Variants in BICRA observed in about 807,000 individuals in gnomAD.
BICRA encodes BRD4 interacting chromatin remodeling complex associated protein.
In BICRA, 31 loss-of-function variants were observed where a neutral mutation model predicts 96.9. The ratio of observed to expected loss-of-function variants is 0.32; its 90% CI spans 0.24 to 0.43. The LOEUF (loss-of-function observed/expected upper bound fraction) is 0.43. Among genes scored for constraint, BICRA ranks in the 20% least tolerant of loss-of-function variants. BICRA has a pLI of 1.00. For missense variants in BICRA, 2,283 were observed against 2,190.3 expected (o/e 1.04, Z -0.84); for synonymous variants, 1,350 against 1,071.8 (o/e 1.26, Z -5.07).
chr19:47,638,737 C>T (rs961767727), intron 1 of BICRA, among the ~76,000 whole-genome samples: 2 of 152,036 alleles, frequency 1.3e-5, no homozygotes, highest in African/African-American at 4.8e-5. Context: ...CTCACTGCAA[C>T]CCCCACTCCC....
chr19:47,635,333 C>T (rs8108210), intron 1 of BICRA, among the ~76,000 whole-genome samples: 40,769 of 151,158 alleles, frequency 0.27, 5,964 homozygotes, highest in Non-Finnish European at 0.32. Context: ...CTGCAACCTC[C>T]GCCTCCTGGG....
intron 1 of BICRA, among the ~76,000 whole-genome samples, chr19:47,630,211 A>T (rs1383296558): frequency 2.3e-5 from 3 of 132,338 alleles, no homozygotes; most frequent in Non-Finnish European, 4.6e-5. Flanking sequence ...CCTAGGCTGG[A>T]GTGCAGTGGC....
At chr19:47,696,602 C>T in intron 11 of BICRA, 90 bp downstream of exon 11, 1 of 1,276,594 alleles carries the variant, frequency 7.8e-7, no homozygotes, top group Non-Finnish European at 1.1e-6. Flanking sequence ...CAGAGTTGGG[C>T]AGGCCCAAGT....
intron 11 of BICRA, among the ~76,000 whole-genome samples, chr19:47,696,845 A>ATGGGTGGGGGAAGTGAG (rs1160359041): frequency 8.7e-5 from 13 of 149,116 alleles, no homozygotes; most frequent in African/African-American, 3.0e-4. Context: ...GGGTGAAGTG[A>ATGGGTGGGGGAAGTGAG]TGGGTGGGGG....
At chr19:47,620,379 C>G (rs1972046815) in intron 1 of BICRA, among the ~76,000 whole-genome samples, 1 of 151,770 alleles carries the variant, frequency 6.6e-6, no homozygotes, top group African/African-American at 2.4e-5. Context: ...AAAAAGTGTC[C>G]CACTGGCCAG....
Position 47,701,556 on chromosome 19 carries a change from C to T in BICRA, c.3824C>T (p.Ser1275Phe). Residue 1275 changes from serine to phenylalanine, a missense_variant, in exon 15 of 15, where the codon TCC becomes TTC. Ser to Phe is a radical substitution (Grantham distance 155). Transcript: ENST00000594866. The surrounding 1 kb of genome is among the most constrained non-coding windows in gnomAD (Gnocchi z 5.4). ...TCCCTGTCCTCCTCTTCCTCCTCCT[C>T]CTCTGCCGCCTCCTCCTTGGACGCC... ...SSSLSSSSSSSSAASSLDADE... is the reference protein window; with the variant it reads ...SSSLSSSSSSFSAASSLDADE... 6.4e-7 allele frequency: 1 copy of T among 1,551,432 alleles called. No individual in the cohort carries two copies. The highest frequency in any genetic ancestry group is 8.7e-7 in the Non-Finnish European group (1 of 1,148,228).
chr19:47,680,591 T>C lies in BICRA; in HGVS notation c.1421T>C (p.Leu474Pro). The C allele has an allele frequency of 6.2e-7, 1 of 1,608,382 alleles. No individual in the cohort carries two copies. Among genetic ancestry groups the C allele is most frequent in the Non-Finnish European group, 8.5e-7 (1 of 1,178,210 alleles). ...CTGCCGGGCCAGAACCAGTTCCTACTGCCTGGCGCCCCGGCGGTCCAGCTC... is the reference window on the plus strand; with the variant it reads ...CTGCCGGGCCAGAACCAGTTCCTACCGCCTGGCGCCCCGGCGGTCCAGCTC... ...HMLPGQNQFL[L>P]PGAPAVQLPQ... Residue 474 changes from leucine to proline, a missense_variant, in exon 6 of 15, where the codon CTG becomes CCG. Physicochemically the swap from Leu to Pro is moderately conservative, Grantham distance 98. Coordinates refer to ENST00000594866, the MANE Select transcript of BICRA (RefSeq NM_001394372.1).
At position 47,698,939 on chromosome 19, in the gene BICRA, C is replaced by T. The variant is rs778175138; in HGVS notation, c.3398-26C>T. 3.9e-6 allele frequency: 6 copies of T among 1,536,324 alleles called. No homozygotes were observed. The highest frequency in any genetic ancestry group is 2.4e-5 in the South Asian group (2 of 84,542). ...CCGCGGCCGCCCCCAACATCTCCGC[C>T]CTTGCCTCTCTTCCCTTCCTCGCAG... On this transcript the variant is annotated intron_variant, in intron 12 of 14. Transcript: ENST00000594866. The surrounding 1 kb of genome is among the most constrained non-coding windows in gnomAD (Gnocchi z 4.8).
Position 47,699,136 on chromosome 19 carries a change from G to A in BICRA, c.3492+77G>A, listed in dbSNP as rs1264146838. On this transcript the variant is annotated intron_variant, in intron 13 of 14. Transcript: ENST00000594866. This position sits in a 1 kb window ranked among gnomAD's most constrained non-coding sequence, Gnocchi z 5.0. ...TGCCCCTTTCCCTCACCCGCTCTGG[G>A]CAAGGTGGAGCCTCCCGCCCCTCCT... is the stretch of plus-strand genomic sequence containing the variant. 12 of 1,104,924 alleles carry A rather than the reference G, an allele frequency of 1.1e-5. No homozygotes were observed. The highest frequency in any genetic ancestry group is 2.6e-5 in the East Asian group (1 of 38,874). 68.4% of individuals were successfully genotyped at this position (1,104,924 alleles called of 1,614,324 possible). A position where few individuals can be genotyped will look rare whatever the true frequency, so the allele number is the denominator to read the frequency against.
chr19:47,631,082 ACAGAGT>A (rs753552277), intron 1 of BICRA, among the ~76,000 whole-genome samples: 24 of 152,048 alleles, frequency 1.6e-4, no homozygotes, highest in Non-Finnish European at 2.9e-4. Context: ...TTTTTTTGAG[ACAGAGT>A]CTGACTCTTT....
Position 47,679,409 on chromosome 19 carries a change from A to G in BICRA, c.239A>G (p.Asp80Gly). 6.8e-7 allele frequency: 1 copy of G among 1,465,380 alleles called. No homozygotes were observed. Among genetic ancestry groups the G allele is most frequent in the Non-Finnish European group, 9.0e-7 (1 of 1,105,578 alleles). The allele number at this position is 1,465,380 out of a possible 1,614,324, so 90.8% of individuals were successfully genotyped here. The change falls in exon 6 of 15, where the codon GAC becomes GGC. Residue 80 changes from aspartate to glycine, a missense_variant. By Grantham distance (94) the Asp-to-Gly change is moderately conservative. Transcript: ENST00000594866. Reference protein sequence around the residue: ...PSVDLDFLEDDILGSPATGGG... With the variant: ...PSVDLDFLEDGILGSPATGGG... ...GTGGACCTAGACTTCCTGGAAGATG[A>G]CATCCTGGGCTCTCCTGCGACAGGG...
chr19:47,643,484 A>G lies in BICRA; in HGVS notation c.-107-26959A>G, dbSNP rs537897256. On this transcript the variant is annotated intron_variant, in intron 1 of 14. Coordinates refer to ENST00000594866, the MANE Select transcript of BICRA (RefSeq NM_001394372.1). ...GACACTGGCAGCATCCCTGGCATCC[A>G]GCCATGACCATCCCTTCTCACGGCG... 5.3e-5 allele frequency among the ~76,000 whole-genome samples: 8 copies of G among 152,240 alleles called. No individual in the cohort carries two copies. The East Asian group carries it at 1.4e-3, about 26-fold the overall frequency.
intron 1 of BICRA, among the ~76,000 whole-genome samples, chr19:47,641,898 G>A (rs995995325): frequency 1.3e-5 from 2 of 152,032 alleles, no homozygotes; most frequent in African/African-American, 4.8e-5. Context: ...TATCATAGTT[G>A]TCAGTGTTCA....
At chr19:47,616,922 A>G (rs11669062) in intron 1 of BICRA, among the ~76,000 whole-genome samples, 130,117 of 151,136 alleles carry the variant, frequency 0.86, 56,116 homozygotes, top group Admixed American at 0.89. Flanking sequence ...TCCGCCTCCC[A>G]GGTTCAAGTG....
chr19:47,612,549 G>A (rs1971924092), intron 1 of BICRA, among the ~76,000 whole-genome samples: 2 of 152,136 alleles, frequency 1.3e-5, no homozygotes, highest in Non-Finnish European at 1.5e-5. Flanking sequence ...CCCTCTGAGC[G>A]CTTTGGGGAC....
intron 6 of BICRA, 59 bp from the exon 7 acceptor site, chr19:47,681,916 TG>T: frequency 1.7e-6 from 2 of 1,162,304 alleles, no homozygotes; most frequent in Non-Finnish European, 2.4e-6. Flanking sequence ...GGGTCTCGGG[TG>T]GGGAGGTCGA....
chr19:47,693,368 T>C (rs2115382), intron 7 of BICRA, among the ~76,000 whole-genome samples: 122,061 of 152,272 alleles, frequency 0.8, 49,550 homozygotes, highest in East Asian at 0.96. Context: ...TGCACACGCA[T>C]GCACGCTTGT....
chr19:47,701,738 C>T lies in BICRA; in HGVS notation c.4006C>T (p.Pro1336Ser), dbSNP rs1237388076. 5 of 1,555,206 alleles carry T rather than the reference C, an allele frequency of 3.2e-6. No individual in the cohort carries two copies. Among genetic ancestry groups the T allele is most frequent in the South Asian group, 2.3e-5 (2 of 85,242 alleles). ...GGACCCCGTGCACCAGCCCCCGCCA[C>T]CCCCCGCTACCCTCAAGGTGGCCGA... ...ALDPVHQPPPPPATLKVAEPP... is the reference protein window; with the variant it reads ...ALDPVHQPPPSPATLKVAEPP... The change falls in exon 15 of 15, where the codon CCC becomes TCC. Residue 1336 changes from proline to serine, a missense_variant. Physicochemically the swap from Pro to Ser is moderately conservative, Grantham distance 74. Coordinates refer to ENST00000594866, the MANE Select transcript of BICRA (RefSeq NM_001394372.1). This position sits in a 1 kb window ranked among gnomAD's most constrained non-coding sequence, Gnocchi z 5.4.
chr19:47,655,392 G>A (rs1568559372), intron 1 of BICRA, among the ~76,000 whole-genome samples: 1 of 151,230 alleles, frequency 6.6e-6, no homozygotes. Context: ...GGGCGTGGTG[G>A]TGCATGCCTT....
Sources: allele counts gnomAD v4.1 joint callset (sites outside exome capture counted in the v4.1 genomes callset), GRCh38; gene constraint gnomAD v4.1.1; non-coding constraint Gnocchi (gnomAD v3.1); transcripts MANE v1.5; gene names NCBI Gene and HGNC (gene_info 2026-07-23, HGNC 2026-07-21).